Variants in CNTNAP3 observed in about 807,000 individuals in gnomAD.
CNTNAP3 encodes contactin associated protein family member 3, also known as contactin-associated protein-like 3.
Under a neutral mutation model 92.1 loss-of-function variants are expected in CNTNAP3, and 36 were observed. That is an observed-to-expected ratio of 0.39 (90% confidence interval 0.30 to 0.52). The LOEUF (loss-of-function observed/expected upper bound fraction) is 0.52. CNTNAP3 is among the 20% of genes least tolerant of loss of function. CNTNAP3 has a pLI of 0.76. For missense variants in CNTNAP3, 534 were observed against 1,069.6 expected (o/e 0.50, Z 6.98); for synonymous variants, 232 against 422.3 (o/e 0.55, Z 5.53).
At chr9:39,118,319 T>A in intron 13 of CNTNAP3, 60 bp from the exon 14 acceptor site, 1 of 1,605,908 alleles carries the variant, frequency 6.2e-7, no homozygotes, top group Non-Finnish European at 8.5e-7. Context: ...ACCCTCCCCA[T>A]ATAGCTCCCT....
intron 13 of CNTNAP3, among the ~76,000 whole-genome samples, chr9:39,132,698 G>T (rs1355805859): frequency 6.6e-6 from 1 of 152,148 alleles, no homozygotes; most frequent in East Asian, 1.9e-4. Flanking sequence ...ATTAAGAAAG[G>T]ACAAGTCACT....
In CNTNAP3 at chr9:39,067,224, A is replaced by G. The variant is rs1243533134; in HGVS notation, c.*6666T>C. Among the ~76,000 whole-genome samples the G allele has an allele frequency of 1.2e-4, 18 of 152,420 alleles. No individual in the cohort carries two copies. The highest frequency in any genetic ancestry group is 8.5e-4 in the Admixed American group (13 of 15,308). On this transcript the variant is annotated 3_prime_UTR_variant, in exon 24 of 24. Transcript: ENST00000297668. ...TAAAGCCTTTTCTTGTCACATCCTA[A>G]TCTTTGAAAATACGGAATATAGTCA... is the stretch of plus-strand genomic sequence containing the variant.
intron 17 of CNTNAP3, 98 bp downstream of exon 17, chr9:39,102,399 T>C (rs1826485228): frequency 1.9e-6 from 3 of 1,563,710 alleles, no homozygotes; most frequent in Admixed American, 1.9e-5. Flanking sequence ...CAGTAGTTGT[T>C]GTTGGCAACT....
chr9:39,106,237 C>A (rs999299960), intron 15 of CNTNAP3, among the ~76,000 whole-genome samples: 12 of 152,176 alleles, frequency 7.9e-5, no homozygotes, highest in African/African-American at 2.9e-4. Flanking sequence ...GAAGAGGAAT[C>A]TACAAGTTTT....
chr9:39,075,931 C>A (rs542729792), intron 23 of CNTNAP3, among the ~76,000 whole-genome samples: 218 of 152,342 alleles, frequency 1.4e-3, no homozygotes, highest in African/African-American at 5.1e-3. Flanking sequence ...TTTCCTCCCC[C>A]ACGCTTTTAC....
intron 18 of CNTNAP3, among the ~76,000 whole-genome samples, chr9:39,091,410 G>T (rs1052319422): frequency 8.5e-5 from 13 of 152,122 alleles, no homozygotes; most frequent in African/African-American, 2.6e-4. Flanking sequence ...TACATGAAAG[G>T]ATGTTGGATT....
rs570280672 is a variant in CNTNAP3 at position 39,083,875 on chromosome 9, G to A, written c.3442+1861C>T. 1.3e-4 allele frequency among the ~76,000 whole-genome samples: 20 copies of A among 151,680 alleles called. No homozygotes were observed. The East Asian group carries it at 3.9e-3, about 29-fold the overall frequency. On this transcript the variant is annotated intron_variant, in intron 21 of 23. Coordinates refer to ENST00000297668, the MANE Select transcript of CNTNAP3 (RefSeq NM_033655.5). Reference sequence around the variant, plus strand: ...ATCTAAAAAGCTTATATTTAAATAGGTTTACTCTGAATTGATCTTGTGATA... The same window carrying A: ...ATCTAAAAAGCTTATATTTAAATAGATTTACTCTGAATTGATCTTGTGATA...
intron 23 of CNTNAP3, among the ~76,000 whole-genome samples, chr9:39,077,484 G>C (rs939768214): frequency 2.6e-5 from 4 of 152,252 alleles, no homozygotes; most frequent in Admixed American, 1.3e-4. Flanking sequence ...GTGAACCCGG[G>C]AGGCGGAGCT....
intron 14 of CNTNAP3, among the ~76,000 whole-genome samples, chr9:39,117,126 G>T (rs1393959653): frequency 6.6e-6 from 1 of 151,918 alleles, no homozygotes; most frequent in Admixed American, 6.6e-5. Context: ...TGAGCAGCTG[G>T]GACTACAGGC....
At chr9:39,143,196 G>C (rs909349059) in intron 11 of CNTNAP3, among the ~76,000 whole-genome samples, 2 of 150,588 alleles carry the variant, frequency 1.3e-5, no homozygotes, top group African/African-American at 2.5e-5. Flanking sequence ...AGTAAAGACA[G>C]ATGATTTTTA....
intron 14 of CNTNAP3, among the ~76,000 whole-genome samples, chr9:39,115,847 AG>A (rs1820844875): frequency 6.6e-6 from 1 of 151,694 alleles, no homozygotes; most frequent in Non-Finnish European, 1.5e-5. Flanking sequence ...CACTCAATAC[AG>A]GTGGCTCCAA....
intron 10 of CNTNAP3, among the ~76,000 whole-genome samples, chr9:39,147,756 T>C (rs1821738658): frequency 2.6e-5 from 4 of 152,140 alleles, no homozygotes; most frequent in African/African-American, 9.7e-5. Context: ...TCTTGGGACT[T>C]TAAGGTTAAA....
At chr9:39,085,093 A>T (rs1057609) in intron 21 of CNTNAP3, 9 of 147,218 alleles carry the variant, frequency 6.1e-5, no homozygotes, top group East Asian at 2.0e-4. Flanking sequence ...GGGTTTTTTT[A>T]AAAAAAGATT....
chr9:39,112,541 T>A (rs1276479279), intron 14 of CNTNAP3, among the ~76,000 whole-genome samples: 2 of 152,076 alleles, frequency 1.3e-5, no homozygotes, highest in East Asian at 3.9e-4. Context: ...AATTTTTGTA[T>A]TTTTAGTATA....
rs916768495 is a variant in CNTNAP3 at position 39,106,794 on chromosome 9, A to G, written c.2365+2366T>C. Among the ~76,000 whole-genome samples, 34 of 152,150 alleles carry G rather than the reference A, an allele frequency of 2.2e-4. 1 individual carries two copies. The highest frequency in any genetic ancestry group is 7.5e-4 in the African/African-American group (31 of 41,506). ...ATGTCAGAGTATCAATAGGCAGGGG[A>G]AAAAGCTACAAATTTCCAGGGGTTA... On this transcript the variant is annotated intron_variant, in intron 15 of 23. Coordinates refer to ENST00000297668, the MANE Select transcript of CNTNAP3 (RefSeq NM_033655.5).
intron 21 of CNTNAP3, among the ~76,000 whole-genome samples, chr9:39,084,306 C>T (rs961412501): frequency 2.6e-5 from 4 of 151,284 alleles, no homozygotes; most frequent in Non-Finnish European, 5.9e-5. Flanking sequence ...CATTCTCCTG[C>T]CTCAGCCTCC....
chr9:39,073,100 C>A lies in CNTNAP3; in HGVS notation c.*790G>T, dbSNP rs1419191745. ...ATCTTGTATTGACATCCTCTTGCAT[C>A]TTGTTACCTACCAATGTTCTGTTCC... On this transcript the variant is annotated 3_prime_UTR_variant, in exon 24 of 24. Transcript: ENST00000297668. 9 of 152,788 alleles carry A rather than the reference C, an allele frequency of 5.9e-5. No homozygotes were observed. The highest frequency in any genetic ancestry group is 2.2e-4 in the African/African-American group (9 of 41,188). 9.5% of individuals were successfully genotyped at this position (152,788 alleles called of 1,614,324 possible). A position where few individuals can be genotyped will look rare whatever the true frequency, so the allele number is the denominator to read the frequency against.
chr9:39,094,490 T>C (rs754711962), intron 18 of CNTNAP3, among the ~76,000 whole-genome samples: 1 of 151,692 alleles, frequency 6.6e-6, no homozygotes, highest in Admixed American at 6.6e-5. Context: ...TTTATAGTTT[T>C]ATCTTTTAGA....
In CNTNAP3 at chr9:39,067,961, CTCAG is replaced by C. The variant is rs1400245343; in HGVS notation, c.*5925_*5928del. Among the ~76,000 whole-genome samples, 2 of 152,310 alleles carry C rather than the reference CTCAG, an allele frequency of 1.3e-5. No individual in the cohort carries two copies. The highest frequency in any genetic ancestry group is 1.5e-5 in the Non-Finnish European group (1 of 68,058). ...TCATGGTTGTATGTGAACATGCACT[CTCAG>C]TGAGAGTAATATTGTCCCCAAAACG... On this transcript the variant is annotated 3_prime_UTR_variant, in exon 24 of 24. Transcript: ENST00000297668.
Sources: gnomAD v4.1 joint callset for allele counts (sites outside exome capture counted in the v4.1 genomes callset) on GRCh38, gnomAD v4.1.1 for gene constraint, MANE v1.5 for transcripts, NCBI Gene and HGNC (gene_info 2026-07-23, HGNC 2026-07-21) for gene names.